The following MAN1A1 variants were observed in gnomAD, a reference collection of about 807,000 sequenced individuals.
The protein encoded by MAN1A1 is mannosyl-oligosaccharide 1,2-alpha-mannosidase IA.
In MAN1A1, 29 loss-of-function variants were observed where a neutral mutation model predicts 70.8. That is an observed-to-expected ratio of 0.41 (90% CI 0.31 to 0.56). MAN1A1 has a LOEUF of 0.56. Ranked by LOEUF, MAN1A1 falls within the 20% of genes least tolerant of loss-of-function variation. The pLI is 0.29. For synonymous variants in MAN1A1, 349 were observed against 330.1 expected (o/e 1.06, Z -0.62); for missense variants, 747 against 841.3 (o/e 0.89, Z 1.39).
Position 119,204,863 on chromosome 6 carries a change from G to T in MAN1A1, c.1012C>A (p.Pro338Thr). ...ATACTGCTGCCTCCAGAGGCCCAGG[G>T]CCAGTTCCTTCCAATACCACTAAAG... is the stretch of plus-strand genomic sequence containing the variant. ...NMKSGIGRNWPWASGGSSILA... is the reference protein window; with the variant it reads ...NMKSGIGRNWTWASGGSSILA... The change falls in exon 7 of 13, where the codon CCC becomes ACC. Residue 338 changes from proline (P) to threonine (T), a missense_variant. Pro to Thr is a conservative substitution (Grantham distance 38). This residue lies in a region of MAN1A1 where 419 missense variants were observed against 548.2 expected (regional missense o/e 0.76). Transcript: ENST00000368468. The T allele has an allele frequency of 1.2e-6, 2 of 1,613,872 alleles. No individual in the cohort carries two copies. The highest frequency in any genetic ancestry group is 1.7e-6 in the Non-Finnish European group (2 of 1,179,878).
intron 6 of MAN1A1, among the ~76,000 whole-genome samples, chr6:119,229,255 T>C (rs1336512990): frequency 6.6e-6 from 1 of 150,866 alleles, no homozygotes; most frequent in Non-Finnish European, 1.5e-5. Context: ...GAAATACTAA[T>C]AATTGTTTTG....
At chr6:119,256,593 C>G (rs746502321) in intron 5 of MAN1A1, among the ~76,000 whole-genome samples, 1 of 151,976 alleles carries the variant, frequency 6.6e-6, no homozygotes, top group Non-Finnish European at 1.5e-5. Flanking sequence ...GCCATGTTCT[C>G]GTGGCAGTGT....
chr6:119,189,785 G>A lies in MAN1A1; in HGVS notation c.1425C>T (p.Thr475=). The change falls in exon 10 of 13, where the codon ACC becomes ACT. Residue 475 remains threonine (T), a synonymous_variant. Coordinates refer to ENST00000368468, the MANE Select transcript of MAN1A1 (RefSeq NM_005907.4). ...GTGCGAACATGCCCCCCGCGAAGCA[G>A]GTCAGGTGGCCCATCTTGTGCTCCA... ...GLLEHKMGHL[T]CFAGGMFALG... 4 of 1,614,150 alleles carry A rather than the reference G, an allele frequency of 2.5e-6. 1 individual carries two copies. Among genetic ancestry groups the A allele is most frequent in the Non-Finnish European group, 3.4e-6 (4 of 1,180,028 alleles).
chr6:119,197,725 T>C (rs1287294620), intron 8 of MAN1A1, among the ~76,000 whole-genome samples: 2 of 151,952 alleles, frequency 1.3e-5, no homozygotes, highest in Non-Finnish European at 2.9e-5. Context: ...ATAAGTGTGT[T>C]TTCCTCTGGC....
chr6:119,271,683 T>C (rs1775929134), intron 5 of MAN1A1, among the ~76,000 whole-genome samples: 1 of 152,032 alleles, frequency 6.6e-6, no homozygotes, highest in Non-Finnish European at 1.5e-5. Flanking sequence ...TTTGTATTTT[T>C]AGTAGAGACA....
chr6:119,283,899 C>T (rs1776286036), intron 5 of MAN1A1, among the ~76,000 whole-genome samples: 1 of 152,056 alleles, frequency 6.6e-6, no homozygotes, highest in African/African-American at 2.4e-5. Flanking sequence ...TCCTTAGTGC[C>T]ACAGTGGGGA....
chr6:119,259,898 A>C (rs1055046732), intron 5 of MAN1A1, among the ~76,000 whole-genome samples: 1 of 152,184 alleles, frequency 6.6e-6, no homozygotes, highest in Non-Finnish European at 1.5e-5. Flanking sequence ...AAAATCACAA[A>C]ATTAGACATA....
chr6:119,192,212 A>C (rs1773460354), intron 9 of MAN1A1, among the ~76,000 whole-genome samples: 1 of 152,196 alleles, frequency 6.6e-6, no homozygotes, highest in Non-Finnish European at 1.5e-5. Flanking sequence ...AATAATTAAA[A>C]TGTCTGCCAG....
At chr6:119,297,328 C>G (rs890796141) in intron 4 of MAN1A1, among the ~76,000 whole-genome samples, 2 of 152,174 alleles carry the variant, frequency 1.3e-5, no homozygotes, top group Non-Finnish European at 2.9e-5. Context: ...GAGTATAGCA[C>G]AGACTGTCAG....
chr6:119,273,631 T>C (rs1474548776), intron 5 of MAN1A1, among the ~76,000 whole-genome samples: 3 of 152,214 alleles, frequency 2.0e-5, no homozygotes, highest in African/African-American at 7.2e-5. Flanking sequence ...CAATGCAGGA[T>C]AAGAGTAACT....
At chr6:119,232,139 G>A (rs1381901987) in intron 6 of MAN1A1, among the ~76,000 whole-genome samples, 2 of 151,946 alleles carry the variant, frequency 1.3e-5, no homozygotes, top group East Asian at 1.9e-4. Context: ...TTGGGAGGCC[G>A]AGGCAGGCGG....
intron 6 of MAN1A1, among the ~76,000 whole-genome samples, chr6:119,222,788 G>A (rs911379159): frequency 6.6e-6 from 1 of 152,088 alleles, no homozygotes; most frequent in Non-Finnish European, 1.5e-5. Flanking sequence ...TGAAATCCTG[G>A]GCAGTGTTTG....
intron 2 of MAN1A1, among the ~76,000 whole-genome samples, chr6:119,326,698 G>A (rs931372884): frequency 9.2e-5 from 14 of 152,164 alleles, no homozygotes; most frequent in Non-Finnish European, 1.9e-4. Flanking sequence ...AGGGAAGGAA[G>A]AGCCCCTTAT....
At chr6:119,254,265 A>C (rs1164178987) in intron 5 of MAN1A1, among the ~76,000 whole-genome samples, 1 of 152,214 alleles carries the variant, frequency 6.6e-6, no homozygotes, top group Non-Finnish European at 1.5e-5. Context: ...GGCATGATGG[A>C]GAGAGCCCCG....
rs145076861 is a variant in MAN1A1, at chr6:119,225,055, A to C, written c.993-20173T>G. On this transcript the variant is annotated intron_variant, in intron 6 of 12. Coordinates refer to ENST00000368468, the MANE Select transcript of MAN1A1 (RefSeq NM_005907.4). ...GGCAGGAGAACTGCTTGAACCCGGG[A>C]GGCAGAGGTTGCAGGGAGGCAGAGG... Among the ~76,000 whole-genome samples the C allele has an allele frequency of 6.9e-4, 105 of 152,178 alleles. 1 individual carries two copies. Among genetic ancestry groups the C allele is most frequent in the Non-Finnish European group, 1.3e-3 (85 of 67,996 alleles).
At chr6:119,231,256 C>T (rs796168001) in intron 6 of MAN1A1, among the ~76,000 whole-genome samples, 8 of 152,198 alleles carry the variant, frequency 5.3e-5, no homozygotes, top group African/African-American at 1.7e-4. Flanking sequence ...TGGGTCCAGG[C>T]GGAGGTCACT....
chr6:119,348,933 G>A lies in MAN1A1; in HGVS notation c.133C>T (p.Leu45=). ...ALRLTEKFVL[L]LVFSAFITLC... ...GTGATGAAGGCGCTGAATACCAGCA[G>A]CAGCACGAACTTCTCCGTCAGGCGG... The change falls in exon 2 of 13, where the codon CTG becomes TTG. Residue 45 remains leucine, a synonymous_variant. Transcript: ENST00000368468. The A allele has an allele frequency of 6.5e-7, 1 of 1,533,268 alleles. No individual in the cohort carries two copies. The highest frequency in any genetic ancestry group is 8.8e-7 in the Non-Finnish European group (1 of 1,140,388). The allele number at this position is 1,533,268 out of a possible 1,614,324, so 95.0% of individuals were successfully genotyped here.
intron 2 of MAN1A1, among the ~76,000 whole-genome samples, chr6:119,310,423 A>T (rs994969400): frequency 1.3e-5 from 2 of 152,138 alleles, no homozygotes; most frequent in Non-Finnish European, 2.9e-5. Context: ...GCCTCCTTCT[A>T]TGGGTTCTTA....
chr6:119,289,065 TTA>T (rs61562893), intron 5 of MAN1A1, among the ~76,000 whole-genome samples: 76,725 of 150,536 alleles, frequency 0.51, 19,834 homozygotes, highest in East Asian at 0.68. Context: ...GGTATTATAA[TTA>T]TATATATATA....
Sources: gnomAD v4.1 joint callset for allele counts (sites outside exome capture counted in the v4.1 genomes callset) on GRCh38, gnomAD v4.1.1 for gene constraint, gnomAD v4.1.1 regional missense constraint, MANE v1.5 for transcripts, NCBI Gene and HGNC (gene_info 2026-07-23, HGNC 2026-07-21) for gene names.